The following CMYA5 variants were observed in gnomAD, a reference collection of about 807,000 sequenced individuals.
CMYA5 encodes the protein cardiomyopathy-associated protein 5.
CMYA5 carries 246 observed loss-of-function variants against 318.9 expected under a neutral mutation model. The observed-to-expected ratio is 0.77, with a 90% CI of 0.70 to 0.86. The LOEUF is 0.86. CMYA5 is among the 40% of genes least tolerant of loss of function. CMYA5 has a pLI of 0.00. For synonymous variants in CMYA5, 1,641 were observed against 1,729.5 expected (o/e 0.95, Z 1.27); for missense variants, 4,589 against 4,678.2 (o/e 0.98, Z 0.56).
intron 1 of CMYA5, among the ~76,000 whole-genome samples, chr5:79,697,073 C>A (rs1428748193): frequency 6.6e-6 from 1 of 152,136 alleles, no homozygotes; most frequent in East Asian, 1.9e-4. Context: ...TTACTGTGGG[C>A]CTACTGTGTG....
At chr5:79,699,441 A>T (rs16877060) in intron 1 of CMYA5, among the ~76,000 whole-genome samples, 11,657 of 152,258 alleles carry the variant, frequency 0.077, 576 homozygotes, top group East Asian at 0.16. Flanking sequence ...AGAAATGCAG[A>T]CACCTTTGAG....
intron 1 of CMYA5, among the ~76,000 whole-genome samples, chr5:79,726,987 C>G (rs1827761592): frequency 7.1e-6 from 1 of 141,200 alleles, no homozygotes; most frequent in Non-Finnish European, 1.5e-5. Context: ...GTGATCTCAG[C>G]TCACTGCAAC....
At chr5:79,724,241 T>C (rs1168674959) in intron 1 of CMYA5, among the ~76,000 whole-genome samples, 1 of 152,038 alleles carries the variant, frequency 6.6e-6, no homozygotes, top group Non-Finnish European at 1.5e-5. Flanking sequence ...GGAGAATTGC[T>C]TGAACCCGGG....
chr5:79,799,025 T>A (rs1045622820), intron 12 of CMYA5, among the ~76,000 whole-genome samples: 1 of 152,240 alleles, frequency 6.6e-6, no homozygotes, highest in African/African-American at 2.4e-5. Context: ...AAAGGAGTTT[T>A]ATTCAAAAGA....
At position 79,729,460 on chromosome 5, in the gene CMYA5, T is replaced by G. The variant is rs777376570; in HGVS notation, c.695T>G (p.Phe232Cys). The change falls in exon 2 of 13, where the codon TTT becomes TGT. Residue 232 changes from phenylalanine to cysteine, a missense_variant. Transcript: ENST00000446378. ...IGTVQYKIKM[F>C]NSVKEELIPL... ...ACAGTACAATATAAAATTAAGATGT[T>G]TAATTCGGTTAAAGAAGAATTAATT... The G allele has an allele frequency of 9.3e-6, 15 of 1,611,988 alleles. 1 individual carries two copies. The South Asian group carries it at 1.7e-4, about 18-fold the overall frequency.
chr5:79,713,763 C>T (rs553396081), intron 1 of CMYA5, among the ~76,000 whole-genome samples: 2 of 152,080 alleles, frequency 1.3e-5, no homozygotes, highest in Non-Finnish European at 2.9e-5. Context: ...CCTACTACTA[C>T]GTAGATACTT....
chr5:79,698,261 A>G (rs1827109201), intron 1 of CMYA5, among the ~76,000 whole-genome samples: 1 of 152,210 alleles, frequency 6.6e-6, no homozygotes, highest in East Asian at 1.9e-4. Flanking sequence ...CTAGTCATCC[A>G]TCACCATTTT....
chr5:79,789,793 A>C (rs1580808368), intron 10 of CMYA5, among the ~76,000 whole-genome samples: 1 of 152,138 alleles, frequency 6.6e-6, no homozygotes, highest in Non-Finnish European at 1.5e-5. Context: ...TATGTGTGGT[A>C]GGTTGGGGAT....
rs559824020 is a variant in CMYA5 at position 79,732,809 on chromosome 5, A to G, written c.4044A>G (p.Glu1348=). The change falls in exon 2 of 13, where the codon GAA becomes GAG. Residue 1348 remains glutamate, a synonymous_variant. Transcript: ENST00000446378. ...CAGAAGAAATTAAAAAAGAAATTGA[A>G]CCCAGTTCCTCAACAACTACAGCAT... ...ALSEEIKKEI[E]PSSSTTTASV... 2 of 1,613,658 alleles carry G rather than the reference A, an allele frequency of 1.2e-6. No individual in the cohort carries two copies. Among genetic ancestry groups the G allele is most frequent in the African/African-American group, 2.7e-5 (2 of 75,030 alleles).
At chr5:79,721,325 T>G (rs560441778) in intron 1 of CMYA5, among the ~76,000 whole-genome samples, 82 of 151,696 alleles carry the variant, frequency 5.4e-4, no homozygotes, top group African/African-American at 1.8e-3. Context: ...TGTCTATTTT[T>G]AAAAAATAAA....
intron 12 of CMYA5, among the ~76,000 whole-genome samples, chr5:79,795,692 G>A (rs897665797): frequency 1.3e-5 from 2 of 152,200 alleles, no homozygotes; most frequent in Non-Finnish European, 2.9e-5. Context: ...GTGAAGAGGG[G>A]CAGCCAGGAA....
At chr5:79,705,859 C>G (rs573553128) in intron 1 of CMYA5, among the ~76,000 whole-genome samples, 1 of 152,158 alleles carries the variant, frequency 6.6e-6, no homozygotes. Context: ...GCAGGTACTG[C>G]TACCTGCTTC....
At position 79,731,841 on chromosome 5, in the gene CMYA5, C is replaced by CTATT. The variant is rs1240590121; in HGVS notation, c.3077_3080dup (p.Leu1027PhefsTer18). The CTATT allele has an allele frequency of 6.2e-7, 1 of 1,613,204 alleles. No individual in the cohort carries two copies. Among genetic ancestry groups the CTATT allele is most frequent in the South Asian group, 1.1e-5 (1 of 90,784 alleles). ...GAAAAATGAACTTGAGCCTGATTCA[C>CTATT]TATTAACTGCAGTGTCTGCTTCAGG... On this transcript the variant is annotated frameshift_variant, in exon 2 of 13. Coordinates refer to ENST00000446378, the MANE Select transcript of CMYA5 (RefSeq NM_153610.5). LOFTEE classifies it high-confidence loss of function.
Position 79,732,374 on chromosome 5 carries a change from A to T in CMYA5, c.3609A>T (p.Lys1203Asn), listed in dbSNP as rs1002323567. 5.0e-6 allele frequency: 8 copies of T among 1,613,690 alleles called. No individual in the cohort carries two copies. The highest frequency in any genetic ancestry group is 1.7e-5 in the Admixed American group (1 of 59,944). Residue 1203 changes from lysine to asparagine, a missense_variant, in exon 2 of 13, where the codon AAA becomes AAT. Coordinates refer to ENST00000446378, the MANE Select transcript of CMYA5 (RefSeq NM_153610.5). Reference sequence around the variant, plus strand: ...CAGATGAACAGATGGCTTTGTCAAAAGTCAGAAAGGAAGAAATTGTGCCTG... The same window carrying T: ...CAGATGAACAGATGGCTTTGTCAAATGTCAGAAAGGAAGAAATTGTGCCTG... ...KAADEQMALS[K>N]VRKEEIVPDS...
At position 79,737,984 on chromosome 5, in the gene CMYA5, A is replaced by G. The variant is rs1828119823; in HGVS notation, c.9219A>G (p.Pro3073=). The change falls in exon 2 of 13, where the codon CCA becomes CCG. Residue 3073 remains proline, a synonymous_variant. Coordinates refer to ENST00000446378, the MANE Select transcript of CMYA5 (RefSeq NM_153610.5). ...CAGACCCAGAAAAACAGAAAGCTCC[A>G]CAGAAATTAAATGTTGAAGAGAAAC... ...ISPDPEKQKA[P]QKLNVEEKLS... 1 of 1,613,526 alleles carries G rather than the reference A, an allele frequency of 6.2e-7. No homozygotes were observed. The highest frequency in any genetic ancestry group is 8.5e-7 in the Non-Finnish European group (1 of 1,179,688).
intron 6 of CMYA5, 104 bp from the exon 7 acceptor site, chr5:79,758,649 G>A: frequency 1.5e-6 from 1 of 674,310 alleles, no homozygotes; most frequent in Non-Finnish European, 2.1e-6. Flanking sequence ...TTTATACTAT[G>A]TATTTCTGTA....
chr5:79,793,660 G>A, intron 12 of CMYA5, 50 bp downstream of exon 12: 1 of 1,517,284 alleles, frequency 6.6e-7, no homozygotes, highest in Non-Finnish European at 9.0e-7. Flanking sequence ...ATGCTTGGGT[G>A]TCCAGGCAGG....
At position 79,764,164 on chromosome 5, in the gene CMYA5, C is replaced by T. The variant is rs149346200; in HGVS notation, c.11555+955C>T. On this transcript the variant is annotated intron_variant, in intron 9 of 12. Transcript: ENST00000446378. ...TATCCCTCCCCTACCCCCCTGCCCC[C>T]AAAAAGGCCCCAGTGTGTGATGGTC... Among the ~76,000 whole-genome samples, 481 of 152,016 alleles carry T rather than the reference C, an allele frequency of 3.2e-3. 1 individual carries two copies. The highest frequency in any genetic ancestry group is 0.011 in the African/African-American group (458 of 41,448).
chr5:79,795,881 T>G (rs1176665401), intron 12 of CMYA5, among the ~76,000 whole-genome samples: 1 of 152,176 alleles, frequency 6.6e-6, no homozygotes, highest in Non-Finnish European at 1.5e-5. Context: ...TCTGGATGAT[T>G]ATTTTTTGAA....
Sources: allele counts gnomAD v4.1 joint callset (sites outside exome capture counted in the v4.1 genomes callset), GRCh38; gene constraint gnomAD v4.1.1; transcripts MANE v1.5; gene names NCBI Gene and HGNC (gene_info 2026-07-23, HGNC 2026-07-21).